Variants in NIN observed in about 807,000 individuals in gnomAD.
The protein encoded by NIN is glycogen synthase kinase 3 beta-interacting protein.
In NIN, 137 loss-of-function variants were observed where a neutral mutation model predicts 257.6. The observed-to-expected ratio is 0.53, with a 90% CI of 0.46 to 0.61. The LOEUF is 0.61. Among genes scored for constraint, NIN ranks in the 20% least tolerant of loss-of-function variants. The probability of loss-of-function intolerance (pLI) is 0.00; values close to 1 mark genes in which losing one functional copy is unlikely to be tolerated. For missense variants in NIN, 2,439 were observed against 2,501.2 expected, an observed-to-expected ratio of 0.98 and a Z score of 0.53; for synonymous variants, 918 against 919.8, an observed-to-expected ratio of 1.00 and a Z score of 0.04.
intron 17 of NIN, among the ~76,000 whole-genome samples, chr14:50,759,454 A>G (rs2042178124): frequency 1.3e-5 from 2 of 151,968 alleles, no homozygotes; most frequent in Admixed American, 1.3e-4. Flanking sequence ...TCAATGGGCT[A>G]TTATGCCTTC....
chr14:50,804,086 G>A (rs1466571679), intron 4 of NIN, among the ~76,000 whole-genome samples: 5 of 152,036 alleles, frequency 3.3e-5, no homozygotes, highest in South Asian at 4.2e-4. Context: ...TAGTAGAGAC[G>A]GGGTTTCGTC....
intron 4 of NIN, among the ~76,000 whole-genome samples, chr14:50,800,528 T>G (rs982191548): frequency 6.6e-6 from 1 of 152,210 alleles, no homozygotes; most frequent in African/African-American, 2.4e-5. Flanking sequence ...TGACTAACCT[T>G]ATACACACAT....
At position 50,757,494 on chromosome 14, in the gene NIN, C is replaced by T. The variant is rs779240297; in HGVS notation, c.3536G>A (p.Gly1179Asp). The change falls in exon 18 of 31, where the codon GGT becomes GAT. Residue 1179 changes from glycine to aspartate, a missense_variant. Gly to Asp is a moderately conservative substitution (Grantham distance 94). Coordinates refer to ENST00000530997, the MANE Select transcript of NIN (RefSeq NM_020921.4). ...TTCACTGTTTTCAAGCTCAGAAAAA[C>T]CCTCTACTGAAGCTTCAGACTCCTC... ...KIEESEASVE[G>D]FSELENSEET... 6 of 1,614,066 alleles carry T rather than the reference C, an allele frequency of 3.7e-6. No individual in the cohort carries two copies. The highest frequency in any genetic ancestry group is 5.1e-6 in the Non-Finnish European group (6 of 1,180,008).
chr14:50,799,609 G>C (rs1466173699), intron 4 of NIN, among the ~76,000 whole-genome samples: 1 of 152,172 alleles, frequency 6.6e-6, no homozygotes, highest in Non-Finnish European at 1.5e-5. Flanking sequence ...GATGTGAGAG[G>C]AACACACTGA....
intron 12 of NIN, among the ~76,000 whole-genome samples, chr14:50,767,794 G>A (rs965169768): frequency 1.5e-4 from 22 of 149,328 alleles, no homozygotes; most frequent in Admixed American, 8.0e-4. Context: ...TCCAGCCTGG[G>A]CGACACAGCA....
In NIN at chr14:50,722,347, T is replaced by A. The variant is rs139120030; in HGVS notation, c.*1116A>T. 24 of 214,480 alleles carry A rather than the reference T, an allele frequency of 1.1e-4. No homozygotes were observed. Among genetic ancestry groups the A allele is most frequent in the African/African-American group, 5.0e-4 (22 of 44,318 alleles). The allele number at this position is 214,480 out of a possible 1,614,324, so 13.3% of individuals were successfully genotyped here. A position where few individuals can be genotyped will look rare whatever the true frequency, so the allele number is the denominator to read the frequency against. ...ATAAGAAACACAGAAAATTTTGACC[T>A]ATATTAAATAAACTCTTCTATAAGT... On this transcript the variant is annotated 3_prime_UTR_variant, in exon 31 of 31. Coordinates refer to ENST00000530997, the MANE Select transcript of NIN (RefSeq NM_020921.4).
chr14:50,739,163 A>T, intron 26 of NIN, 145 bp downstream of exon 26: 1 of 640,050 alleles, frequency 1.6e-6, no homozygotes, highest in Non-Finnish European at 2.6e-6. Flanking sequence ...AGTAAATGAT[A>T]AATGATACAT....
Position 50,757,635 on chromosome 14 carries a change from G to A in NIN, c.3395C>T (p.Thr1132Met), listed in dbSNP as rs139379777. 28 of 1,613,900 alleles carry A rather than the reference G, an allele frequency of 1.7e-5. No individual in the cohort carries two copies. Among genetic ancestry groups the A allele is most frequent in the African/African-American group, 8.0e-5 (6 of 74,856 alleles). Reference protein sequence around the residue: ...QTEQFLQQNRTKQVEGVTRRH... With the variant: ...QTEQFLQQNRMKQVEGVTRRH... ...CCTGGTCACACCTTCTACTTGCTTC[G>A]TTCGGTTTTGCTGTAAAAACTGCTC... is the stretch of plus-strand genomic sequence containing the variant. Residue 1132 changes from threonine (T) to methionine (M), a missense_variant, in exon 18 of 31, where the codon ACG (threonine) becomes ATG (methionine). This residue lies in a region of NIN where 2,043 missense variants were observed against 2,050.2 expected (regional missense o/e 1.00). Coordinates refer to ENST00000530997, the MANE Select transcript of NIN (RefSeq NM_020921.4).
At position 50,763,945 on chromosome 14, in the gene NIN, T is replaced by A; in HGVS notation, c.1655A>T (p.Asp552Val). Residue 552 changes from aspartate to valine, a missense_variant, in exon 15 of 31, where the codon GAT (aspartate) becomes GTT (valine). Asp to Val is a radical substitution (Grantham distance 152). This residue lies in a region of NIN where 2,043 missense variants were observed against 2,050.2 expected (regional missense o/e 1.00). Transcript: ENST00000530997. Reference protein sequence around the residue: ...RQCRVLQDQVDELQSELEEYR... With the variant: ...RQCRVLQDQVVELQSELEEYR... ...TTCTTCCAGCTCAGACTGGAGTTCA[T>A]CTACTTGGTCTTGTAGTACCTGGGA... The A allele has an allele frequency of 6.2e-7, 1 of 1,614,112 alleles. No homozygotes were observed. The highest frequency in any genetic ancestry group is 8.5e-7 in the Non-Finnish European group (1 of 1,179,962).
At chr14:50,817,369 A>T (rs2142367786) in intron 3 of NIN, among the ~76,000 whole-genome samples, 1 of 152,360 alleles carries the variant, frequency 6.6e-6, no homozygotes, top group South Asian at 2.1e-4. Context: ...TAAGAAAAAT[A>T]AATCTTAAAA....
Position 50,757,691 on chromosome 14 carries a change from A to T in NIN, c.3339T>A (p.Thr1113=). 6.2e-7 allele frequency: 1 copy of T among 1,614,214 alleles called. No homozygotes were observed. The highest frequency in any genetic ancestry group is 8.5e-7 in the Non-Finnish European group (1 of 1,180,038). The change falls in exon 18 of 31, where the codon ACT becomes ACA. Residue 1113 remains threonine, a synonymous_variant. Coordinates refer to ENST00000530997, the MANE Select transcript of NIN (RefSeq NM_020921.4). ...VMSSCLDEPA[T]EFFGNTAEQT... ...GTTCCGCAGTATTTCCAAAAAACTCAGTAGCTGGCTCATCCAAACAAGAAG... is the reference window on the plus strand; with the variant it reads ...GTTCCGCAGTATTTCCAAAAAACTCTGTAGCTGGCTCATCCAAACAAGAAG...
intron 3 of NIN, among the ~76,000 whole-genome samples, chr14:50,809,733 T>C (rs2044493758): frequency 6.6e-6 from 1 of 152,224 alleles, no homozygotes; most frequent in Admixed American, 6.5e-5. Context: ...ACATCTATAA[T>C]CTGGAATTAA....
intron 7 of NIN, among the ~76,000 whole-genome samples, chr14:50,773,581 C>A (rs2042811961): frequency 6.6e-6 from 1 of 152,172 alleles, no homozygotes; most frequent in Non-Finnish European, 1.5e-5. Context: ...GGACAGATTA[C>A]AATGATCTGA....
At chr14:50,810,406 T>C (rs1023171940) in intron 3 of NIN, among the ~76,000 whole-genome samples, 9 of 152,046 alleles carry the variant, frequency 5.9e-5, no homozygotes, top group Admixed American at 5.9e-4. Flanking sequence ...ATTATTAACA[T>C]ATTAGCCAGG....
Position 50,758,213 on chromosome 14 carries a change from CT to C in NIN, c.2816del (p.Glu939GlyfsTer2), listed in dbSNP as rs2042121448. On this transcript the variant is annotated frameshift_variant, in exon 18 of 31. Transcript: ENST00000530997. LOFTEE classifies it high-confidence loss of function. ...GTTCCCTTTTGTGACTGCTCTTCAGCTCAAGTATCTGGTCAGACAGCAGGCT... is the reference window on the plus strand; with the variant it reads ...GTTCCCTTTTGTGACTGCTCTTCAGCCAAGTATCTGGTCAGACAGCAGGCT... ...QQSLLSDQILELKSSHKRELR... is the reference protein window; with the variant it reads ...QQSLLSDQILXLKSSHKRELR... 1 of 1,614,230 alleles carries C rather than the reference CT, an allele frequency of 6.2e-7. No individual in the cohort carries two copies. The highest frequency in any genetic ancestry group is 8.5e-7 in the Non-Finnish European group (1 of 1,180,044).
At chr14:50,819,572 G>T (rs547596801) in intron 3 of NIN, among the ~76,000 whole-genome samples, 2 of 152,280 alleles carry the variant, frequency 1.3e-5, no homozygotes, top group East Asian at 3.9e-4. Context: ...CAGCCACAAG[G>T]AACTGGGAGT....
intron 5 of NIN, among the ~76,000 whole-genome samples, chr14:50,787,171 C>T (rs1344951555): frequency 2.0e-5 from 3 of 152,196 alleles, no homozygotes; most frequent in Non-Finnish European, 4.4e-5. Flanking sequence ...ACACCCCTTG[C>T]TGTTGATAAG....
chr14:50,792,593 G>T, intron 5 of NIN, 119 bp downstream of exon 5: 1 of 985,640 alleles, frequency 1.0e-6, no homozygotes, highest in Non-Finnish European at 1.5e-6. Context: ...GCAAGGAGTT[G>T]GTAACTGAGA....
Position 50,756,527 on chromosome 14 carries a change from C to G in NIN, c.4503G>C (p.Thr1501=). The part of the protein sequence containing the change: ...LKAMMHDLQI[T]CSEMQQKVEL... Reference sequence around the variant, plus strand: ...CAACTTTTTGCTGCATCTCACTGCACGTGATCTGCAAGTCATGCATCATTG... The same window carrying G: ...CAACTTTTTGCTGCATCTCACTGCAGGTGATCTGCAAGTCATGCATCATTG... Residue 1501 remains threonine (T), a synonymous_variant, in exon 18 of 31, where the codon ACG becomes ACC. Coordinates refer to ENST00000530997, the MANE Select transcript of NIN (RefSeq NM_020921.4). 1 of 1,611,374 alleles carries G rather than the reference C, an allele frequency of 6.2e-7. No individual in the cohort carries two copies. The highest frequency in any genetic ancestry group is 8.5e-7 in the Non-Finnish European group (1 of 1,178,990).
Sources: gnomAD v4.1 joint callset for allele counts (sites outside exome capture counted in the v4.1 genomes callset) on GRCh38, gnomAD v4.1.1 for gene constraint, gnomAD v4.1.1 regional missense constraint, MANE v1.5 for transcripts, NCBI Gene and HGNC (gene_info 2026-07-23, HGNC 2026-07-21) for gene names.